The following SLC44A1 variants were observed in gnomAD, a reference collection of about 807,000 sequenced individuals.
The protein encoded by SLC44A1 is solute carrier family 44 member 1, also known as choline transporter-like protein 1.
Under a neutral mutation model 79.3 loss-of-function variants are expected in SLC44A1, and 26 were observed. The observed-to-expected ratio is 0.33, with a 90% CI of 0.24 to 0.46. SLC44A1 has a LOEUF of 0.46. SLC44A1 is among the 20% of genes least tolerant of loss of function. SLC44A1 has a pLI of 1.00. For missense variants in SLC44A1, 688 were observed against 798.1 expected (o/e 0.86, Z 1.66); for synonymous variants, 263 against 286.2 (o/e 0.92, Z 0.82).
At position 105,347,412 on chromosome 9, in the gene SLC44A1, A is replaced by T. The variant is rs377134873; in HGVS notation, c.407-946A>T. Among the ~76,000 whole-genome samples, 4 of 152,158 alleles carry T rather than the reference A, an allele frequency of 2.6e-5. No homozygotes were observed. In the South Asian group the frequency reaches 6.2e-4, roughly 24 times the overall value. On this transcript the variant is annotated intron_variant, in intron 4 of 15. Coordinates refer to ENST00000374720, the MANE Select transcript of SLC44A1 (RefSeq NM_080546.5). ...ACTGGAGCCTGGGTCTCCTCACTTA[A>T]CAATATATTATACAATGAACCTTCC...
intron 1 of SLC44A1, among the ~76,000 whole-genome samples, chr9:105,249,680 AC>A (rs1401171818): frequency 6.6e-6 from 1 of 150,550 alleles, no homozygotes; most frequent in African/African-American, 2.5e-5. Context: ...GCTCGCCACC[AC>A]ACCCAGCTAA....
chr9:105,405,277 T>C (rs553073931), intron 15 of SLC44A1, among the ~76,000 whole-genome samples: 71 of 150,440 alleles, frequency 4.7e-4, no homozygotes, highest in African/African-American at 1.6e-3. Context: ...GCCGAGAATG[T>C]GCCACTGCAC....
chr9:105,321,254 A>G (rs13286370), intron 3 of SLC44A1, among the ~76,000 whole-genome samples: 2,188 of 152,266 alleles, frequency 0.014, 18 homozygotes, highest in Admixed American at 0.017. Flanking sequence ...GGTGTGAAGA[A>G]AAGGTCAAGG....
chr9:105,405,285 C>T (rs1324643496), intron 15 of SLC44A1, among the ~76,000 whole-genome samples: 1 of 150,546 alleles, frequency 6.6e-6, no homozygotes, highest in African/African-American at 2.4e-5. Flanking sequence ...TGTGCCACTG[C>T]ACTCCAGCCT....
intron 15 of SLC44A1, among the ~76,000 whole-genome samples, chr9:105,405,278 G>A (rs879482665): frequency 4.0e-5 from 6 of 151,022 alleles, no homozygotes; most frequent in Non-Finnish European, 8.8e-5. Context: ...CCGAGAATGT[G>A]CCACTGCACT....
chr9:105,371,124 G>A (rs1254716608), intron 12 of SLC44A1, among the ~76,000 whole-genome samples: 1 of 152,214 alleles, frequency 6.6e-6, no homozygotes, highest in Non-Finnish European at 1.5e-5. Context: ...GATGCTGAAA[G>A]ATTGGAAGTT....
chr9:105,397,740 C>G (rs1438563120), downstream of SLC44A1, among the ~76,000 whole-genome samples: 1 of 151,884 alleles, frequency 6.6e-6, no homozygotes, highest in Non-Finnish European at 1.5e-5. Context: ...ATGAGGAGAT[C>G]GAGACCATCC....
intron 15 of SLC44A1, among the ~76,000 whole-genome samples, chr9:105,423,460 G>A (rs1276240888): frequency 2.6e-5 from 4 of 151,846 alleles, no homozygotes; most frequent in South Asian, 2.1e-4. Context: ...AGCGAGGCTC[G>A]GTCTCATAAA....
At chr9:105,261,025 T>C (rs1435731128) in intron 1 of SLC44A1, among the ~76,000 whole-genome samples, 1 of 152,160 alleles carries the variant, frequency 6.6e-6, no homozygotes, top group Non-Finnish European at 1.5e-5. Context: ...AGATTATGGT[T>C]AAAACAAATA....
At chr9:105,269,473 A>G (rs1830032290) in intron 1 of SLC44A1, among the ~76,000 whole-genome samples, 1 of 152,156 alleles carries the variant, frequency 6.6e-6, no homozygotes, top group Non-Finnish European at 1.5e-5. Context: ...CAGGTATATC[A>G]TGTATTTCCC....
At chr9:105,331,684 G>A (rs947751171) in intron 3 of SLC44A1, among the ~76,000 whole-genome samples, 25 of 152,162 alleles carry the variant, frequency 1.6e-4, no homozygotes, top group African/African-American at 5.8e-4. Context: ...TGTTGCCATG[G>A]ATTGGATGAA....
intron 15 of SLC44A1, among the ~76,000 whole-genome samples, chr9:105,410,566 A>AAG (rs1421337277): frequency 6.6e-6 from 1 of 152,334 alleles, no homozygotes; most frequent in East Asian, 1.9e-4. Context: ...AATAGACAAT[A>AAG]AGAAGTGTTG....
chr9:105,349,826 G>A (rs560946881), intron 5 of SLC44A1, among the ~76,000 whole-genome samples: 4 of 152,216 alleles, frequency 2.6e-5, no homozygotes. Context: ...GTGTGAGAGG[G>A]AGGTCTCTGC....
intron 2 of SLC44A1, among the ~76,000 whole-genome samples, chr9:105,304,367 T>A (rs537176678): frequency 6.6e-5 from 10 of 152,366 alleles, no homozygotes; most frequent in African/African-American, 2.4e-4. Flanking sequence ...CTGATCCAAA[T>A]GACTTGCTAC....
At chr9:105,308,060 C>T (rs1047267051) in intron 2 of SLC44A1, among the ~76,000 whole-genome samples, 8 of 152,170 alleles carry the variant, frequency 5.3e-5, no homozygotes, top group Non-Finnish European at 1.0e-4. Context: ...ATGTAATTCT[C>T]ATAACAGCCT....
intron 1 of SLC44A1, among the ~76,000 whole-genome samples, chr9:105,278,690 G>C (rs1264111846): frequency 6.6e-6 from 1 of 152,158 alleles, no homozygotes; most frequent in African/African-American, 2.4e-5. Flanking sequence ...TGTATTTGCA[G>C]CTTTCTCATC....
chr9:105,394,576 A>G lies in SLC44A1; in HGVS notation c.*5520A>G, dbSNP rs1481021622. 8 of 985,116 alleles carry G rather than the reference A, an allele frequency of 8.1e-6. No individual in the cohort carries two copies. Among genetic ancestry groups the G allele is most frequent in the Non-Finnish European group, 8.4e-6 (7 of 829,900 alleles). 61.0% of individuals were successfully genotyped at this position (985,116 alleles called of 1,614,324 possible). ...TTGTAATTAATCCATCTACCAAAAC[A>G]CTTGATTCTTTTTATTGTAGCTCAG... On this transcript the variant is annotated 3_prime_UTR_variant, in exon 16 of 16. Coordinates refer to ENST00000374720, the MANE Select transcript of SLC44A1 (RefSeq NM_080546.5).
At position 105,395,019 on chromosome 9, in the gene SLC44A1, G is replaced by C; in HGVS notation, c.*5963G>C. On this transcript the variant is annotated 3_prime_UTR_variant, in exon 16 of 16. Coordinates refer to ENST00000374720, the MANE Select transcript of SLC44A1 (RefSeq NM_080546.5). ...GAAGGCTCCCTGGGCCCTTGAAAAA[G>C]CAGGCAGAAACTCATCAAGGGGTTT... 1 of 985,458 alleles carries C rather than the reference G, an allele frequency of 1.0e-6. No homozygotes were observed. Among genetic ancestry groups the C allele is most frequent in the Non-Finnish European group, 1.2e-6 (1 of 829,976 alleles). The allele number at this position is 985,458 out of a possible 1,614,324, so 61.0% of individuals were successfully genotyped here.
Position 105,416,705 on chromosome 9 carries a change from A to C in SLC44A1, c.1951-21576A>C, listed in dbSNP as rs558236983. 1.4e-4 allele frequency among the ~76,000 whole-genome samples: 22 copies of C among 152,364 alleles called. 1 individual carries two copies. The highest frequency in any genetic ancestry group is 5.1e-4 in the African/African-American group (21 of 41,584). On this transcript the variant is annotated intron_variant, in intron 15 of 15. Coordinates refer to the SLC44A1 transcript ENST00000374724. ...AGTGTGAGGCTGGAAATGATAAGAG[A>C]TGAGGCCAAGGAGTCAGGCCACGTC...
Sources: allele counts gnomAD v4.1 joint callset (sites outside exome capture counted in the v4.1 genomes callset), GRCh38; gene constraint gnomAD v4.1.1; transcripts MANE v1.5; gene names NCBI Gene and HGNC (gene_info 2026-07-23, HGNC 2026-07-21).